CHD9: variants seen among roughly 807,000 people sequenced by gnomAD.
CHD9 encodes ATP-dependent chromatin remodeler CHD9.
In CHD9, 77 loss-of-function variants were observed where a neutral mutation model predicts 316.1. The observed-to-expected ratio is 0.24, with a 90% CI of 0.20 to 0.29. CHD9 has a LOEUF of 0.29. Among genes scored for constraint, CHD9 ranks in the 10% least tolerant of loss-of-function variants. The probability of loss-of-function intolerance (pLI) is 1.00; values close to 1 mark genes in which losing one functional copy is unlikely to be tolerated. For synonymous variants in CHD9, 1,129 were observed against 1,158.3 expected (o/e 0.97, Z 0.51); for missense variants, 2,763 against 3,438.1 (o/e 0.80, Z 4.91).
At chr16:53,273,931 C>A in intron 23 of CHD9, 146 bp downstream of exon 23, 1 of 766,442 alleles carries the variant, frequency 1.3e-6, no homozygotes, top group Non-Finnish European at 2.1e-6. Context: ...ATCCTACAAG[C>A]AAATCATGAT....
chr16:53,263,865 G>T lies in CHD9; in HGVS notation c.4320+768G>T, dbSNP rs541302073. Among the ~76,000 whole-genome samples the T allele has an allele frequency of 8.5e-5, 13 of 152,160 alleles. No homozygotes were observed. In the East Asian group the frequency reaches 2.5e-3, roughly 29 times the overall value. On this transcript the variant is annotated intron_variant, in intron 20 of 38. Transcript: ENST00000447540. ...ATTATAAAAATATTATTGGCATATG[G>T]CATGTTCATATACCTAAACAAGTAG...
At chr16:53,150,764 A>G (rs1412960349) in intron 1 of CHD9, among the ~76,000 whole-genome samples, 1 of 152,098 alleles carries the variant, frequency 6.6e-6, no homozygotes, top group Non-Finnish European at 1.5e-5. Flanking sequence ...CTTAGTCAAC[A>G]GTTTTTTTCT....
chr16:53,206,321 C>A (rs1011123279), intron 2 of CHD9, among the ~76,000 whole-genome samples: 1 of 150,640 alleles, frequency 6.6e-6, no homozygotes, highest in Admixed American at 6.6e-5. Context: ...TGCCTCACCT[C>A]TGTCTAGTTG....
Position 53,226,346 on chromosome 16 carries a change from A to AT in CHD9, c.1897-18dup, listed in dbSNP as rs776351463. The AT allele has an allele frequency of 2.7e-6, 4 of 1,487,192 alleles. No homozygotes were observed. Among genetic ancestry groups the AT allele is most frequent in the Non-Finnish European group, 3.6e-6 (4 of 1,112,168 alleles). The allele number at this position is 1,487,192 out of a possible 1,614,324, so 92.1% of individuals were successfully genotyped here. On this transcript the variant is annotated intron_variant, in intron 4 of 38. Transcript: ENST00000447540. ...CTTCAAAATAAATTATATAAATCTG[A>AT]TTCTTGTGGTTCATTACAGAAAAGA...
At chr16:53,213,712 TAGAAGTA>T (rs1405570111) in intron 3 of CHD9, among the ~76,000 whole-genome samples, 1 of 152,226 alleles carries the variant, frequency 6.6e-6, no homozygotes, top group African/African-American at 2.4e-5. Flanking sequence ...CATGATTCGA[TAGAAGTA>T]TTTTTAAACC....
intron 2 of CHD9, chr16:53,207,952 C>T (rs1018867286): frequency 1.7e-5 from 14 of 801,606 alleles, no homozygotes; most frequent in Non-Finnish European, 2.0e-5. Flanking sequence ...GGCCTACTTC[C>T]GCAGAAGGAG....
intron 1 of CHD9, among the ~76,000 whole-genome samples, chr16:53,140,028 G>C (rs1597118213): frequency 6.6e-6 from 1 of 151,992 alleles, no homozygotes; most frequent in Non-Finnish European, 1.5e-5. Flanking sequence ...GAGCCCAGGA[G>C]GCAGAGGTTG....
chr16:53,055,488 A>G (rs984639607), intron 1 of CHD9, among the ~76,000 whole-genome samples: 1 of 115,734 alleles, frequency 8.6e-6, no homozygotes, highest in Admixed American at 8.6e-5. Context: ...CCCTAGTTCC[A>G]CCCCCGCCCC....
At chr16:53,296,215 A>G (rs947813748) in intron 29 of CHD9, among the ~76,000 whole-genome samples, 4 of 152,042 alleles carry the variant, frequency 2.6e-5, no homozygotes, top group Non-Finnish European at 4.4e-5. Flanking sequence ...ACTCATACAA[A>G]TATAAGGTAT....
chr16:53,061,019 C>T (rs576884796), intron 1 of CHD9, among the ~76,000 whole-genome samples: 2 of 151,470 alleles, frequency 1.3e-5, no homozygotes, highest in East Asian at 1.9e-4. Context: ...TCCGCCCCCC[C>T]GGGTTCAAGC....
chr16:53,317,163 CAAAAAAAAA>C (rs537619212), intron 36 of CHD9, among the ~76,000 whole-genome samples: 2 of 81,764 alleles, frequency 2.4e-5, no homozygotes. Context: ...AACTCCATCT[CAAAAAAAAA>C]AAAAAAAAAG....
chr16:53,238,267 T>A, intron 11 of CHD9, 76 bp from the exon 12 acceptor site: 3 of 1,251,286 alleles, frequency 2.4e-6, no homozygotes, highest in Non-Finnish European at 3.3e-6. Context: ...GATCTTTGAT[T>A]ATTTTTGTAT....
chr16:53,293,353 G>A (rs1368229425), intron 29 of CHD9, among the ~76,000 whole-genome samples: 1 of 152,198 alleles, frequency 6.6e-6, no homozygotes, highest in Non-Finnish European at 1.5e-5. Context: ...AGTGGCTAAT[G>A]CCTATAATCC....
chr16:53,275,763 A>G (rs1191230977), intron 24 of CHD9, among the ~76,000 whole-genome samples: 1 of 152,112 alleles, frequency 6.6e-6, no homozygotes, highest in East Asian at 1.9e-4. Flanking sequence ...CTAAAATTTA[A>G]TTTTTCTGTA....
chr16:53,064,979 A>AAGAG (rs554306872), intron 1 of CHD9, among the ~76,000 whole-genome samples: 20 of 151,450 alleles, frequency 1.3e-4, no homozygotes, highest in African/African-American at 4.6e-4. Context: ...GAAAGAAAGA[A>AAGAG]AGAGAGAGAG....
At chr16:53,116,961 A>T (rs1042754813) in intron 1 of CHD9, among the ~76,000 whole-genome samples, 10 of 152,216 alleles carry the variant, frequency 6.6e-5, no homozygotes, top group African/African-American at 2.4e-4. Context: ...TCCTGAGCAA[A>T]CTAACTCAGG....
chr16:53,078,337 G>A (rs2034728144), intron 1 of CHD9, among the ~76,000 whole-genome samples: 1 of 152,084 alleles, frequency 6.6e-6, no homozygotes, highest in African/African-American at 2.4e-5. Flanking sequence ...CACAGGAAGG[G>A]GTTAGTTATC....
Position 53,157,354 on chromosome 16 carries a change from C to A in CHD9, c.1265C>A (p.Thr422Lys). 6.2e-7 allele frequency: 1 copy of A among 1,613,940 alleles called. No individual in the cohort carries two copies. Among genetic ancestry groups the A allele is most frequent in the Middle Eastern group, 1.6e-4 (1 of 6,062 alleles). The change falls in exon 2 of 39, where the codon ACA (threonine) becomes AAA (lysine). Residue 422 changes from threonine (T) to lysine (K), a missense_variant. Physicochemically the swap from Thr to Lys is moderately conservative, Grantham distance 78 (BLOSUM62 -1). Around this residue, in one of 15 missense-constraint regions of CHD9, gnomAD observed 859 missense variants for 890.4 expected, o/e 0.96. Transcript: ENST00000447540. ...EGLLPHFDES[T>K]FGQDNSSHIL... ...CTTCTTCCTCACTTTGATGAGTCAA[C>A]ATTCGGACAAGATAATTCAAGTCAC...
At chr16:53,287,878 C>T (rs2054017174) in intron 26 of CHD9, 79 bp from the exon 27 acceptor site, 1 of 1,163,838 alleles carries the variant, frequency 8.6e-7, no homozygotes, top group Non-Finnish European at 1.3e-6. Flanking sequence ...AAACTAAAAC[C>T]CTCCAACAAG....
Sources: gnomAD v4.1 joint callset for allele counts (sites outside exome capture counted in the v4.1 genomes callset) on GRCh38, gnomAD v4.1.1 for gene constraint, gnomAD v4.1.1 regional missense constraint, MANE v1.5 for transcripts, NCBI Gene and HGNC (gene_info 2026-07-23, HGNC 2026-07-21) for gene names.